The following DACH1 variants were observed in gnomAD, a reference collection of about 807,000 sequenced individuals.
DACH1 encodes the protein dachshund homolog 1.
DACH1 carries 12 observed loss-of-function variants against 54.2 expected under a neutral mutation model. That is an observed-to-expected ratio of 0.22 (90% CI 0.14 to 0.36). The LOEUF (loss-of-function observed/expected upper bound fraction) is 0.36, where lower values mean the gene tolerates loss of function less well. Ranked by LOEUF, DACH1 falls within the 10% of genes least tolerant of loss-of-function variation. DACH1 has a pLI of 1.00. For synonymous variants in DACH1, 386 were observed against 366.2 expected (o/e 1.05, Z -0.62); for missense variants, 805 against 929.8 (o/e 0.87, Z 1.75).
chr13:71,780,932 A>G (rs1035807962), intron 1 of DACH1, among the ~76,000 whole-genome samples: 15 of 152,140 alleles, frequency 9.9e-5, no homozygotes, highest in African/African-American at 3.4e-4. Context: ...GTAGGAATTC[A>G]AGACCAGCAT....
In DACH1 at chr13:71,827,279, G is replaced by A. The variant is rs149340737; in HGVS notation, c.848+38643C>T. Reference sequence around the variant, plus strand: ...CCAGGGATGCAGGCGGGGCTGAATCGCCAACCTACTGACTTACAACTCCGT... The same window carrying A: ...CCAGGGATGCAGGCGGGGCTGAATCACCAACCTACTGACTTACAACTCCGT... On this transcript the variant is annotated intron_variant, in intron 1 of 10. Coordinates refer to ENST00000613252, the MANE Select transcript of DACH1 (RefSeq NM_080759.6). Among the ~76,000 whole-genome samples the A allele has an allele frequency of 1.1e-3, 170 of 151,950 alleles. 1 individual carries two copies. The highest frequency in any genetic ancestry group is 3.9e-3 in the African/African-American group (160 of 41,446).
intron 10 of DACH1, among the ~76,000 whole-genome samples, chr13:71,457,764 C>A (rs2138131886): frequency 6.6e-6 from 1 of 152,034 alleles, no homozygotes; most frequent in Admixed American, 6.6e-5. Context: ...CAAAGAGATT[C>A]TATATTTTCA....
At chr13:71,805,664 C>T (rs956830829) in intron 1 of DACH1, among the ~76,000 whole-genome samples, 1 of 151,980 alleles carries the variant, frequency 6.6e-6, no homozygotes, top group South Asian at 2.1e-4. Flanking sequence ...CCTGGTTTAC[C>T]GTTAGAGTCT....
At chr13:71,846,291 GT>G (rs769045622) in intron 1 of DACH1, 5 of 226,756 alleles carry the variant, frequency 2.2e-5, no homozygotes, top group Non-Finnish European at 4.7e-5. Flanking sequence ...CAGAATCCAT[GT>G]GATGCTGTAC....
rs375981941 is a variant in DACH1 at position 71,540,983 on chromosome 13, TTTTTA to T, written c.1570+16036_1570+16040del. Among the ~76,000 whole-genome samples the T allele has an allele frequency of 5.3e-5, 8 of 152,066 alleles. No individual in the cohort carries two copies. In the East Asian group the frequency reaches 1.4e-3, roughly 26 times the overall value. ...GCCTATTATAAAGGAAATGCTATGT[TTTTTA>T]TTTTATGTATTGTTAAATTTAGATT... On this transcript the variant is annotated intron_variant, in intron 6 of 10. Coordinates refer to ENST00000613252, the MANE Select transcript of DACH1 (RefSeq NM_080759.6).
intron 6 of DACH1, among the ~76,000 whole-genome samples, chr13:71,550,506 G>A (rs1254201207): frequency 2.0e-5 from 3 of 152,090 alleles, no homozygotes; most frequent in Non-Finnish European, 2.9e-5. Context: ...TGGTCATCAA[G>A]GCGCATGGGT....
intron 2 of DACH1, among the ~76,000 whole-genome samples, chr13:71,645,502 G>A (rs564394971): frequency 2.0e-5 from 3 of 152,280 alleles, no homozygotes; most frequent in Non-Finnish European, 2.9e-5. Context: ...AAGCATGGGA[G>A]AGTAACAAAA....
chr13:71,758,454 C>A (rs545310095), intron 1 of DACH1, among the ~76,000 whole-genome samples: 33 of 152,220 alleles, frequency 2.2e-4, no homozygotes, highest in African/African-American at 6.0e-4. Flanking sequence ...TATAAAAGGT[C>A]TTCAATGTGA....
chr13:71,581,101 C>G (rs1232630986), intron 3 of DACH1, among the ~76,000 whole-genome samples: 1 of 149,888 alleles, frequency 6.7e-6, no homozygotes, highest in Non-Finnish European at 1.5e-5. Context: ...AACTTTCAAT[C>G]AGTTTTTGAG....
At chr13:71,864,796 C>T (rs549847434) in intron 1 of DACH1, among the ~76,000 whole-genome samples, 1 of 150,486 alleles carries the variant, frequency 6.6e-6, no homozygotes, top group African/African-American at 2.4e-5. Flanking sequence ...TAGCATAAAA[C>T]TGGTCTGGCT....
chr13:71,444,831 A>C (rs1006111973), intron 10 of DACH1, among the ~76,000 whole-genome samples: 3 of 151,952 alleles, frequency 2.0e-5, no homozygotes, highest in East Asian at 3.9e-4. Flanking sequence ...TCCCTCCCCT[A>C]GGTTTAGTGG....
At chr13:71,735,222 C>CGTGT in intron 1 of DACH1, among the ~76,000 whole-genome samples, 2 of 120,984 alleles carry the variant, frequency 1.7e-5, no homozygotes, top group African/African-American at 5.7e-5. Context: ...ATGGGATATA[C>CGTGT]ATATGTATAT....
At chr13:71,779,928 A>G (rs562903871) in intron 1 of DACH1, among the ~76,000 whole-genome samples, 20 of 152,254 alleles carry the variant, frequency 1.3e-4, no homozygotes, top group African/African-American at 4.8e-4. Context: ...AAAACTCTTT[A>G]TTAAATCTCT....
At chr13:71,463,559 T>C (rs554161011) in intron 10 of DACH1, among the ~76,000 whole-genome samples, 1 of 152,074 alleles carries the variant, frequency 6.6e-6, no homozygotes, top group East Asian at 1.9e-4. Flanking sequence ...GCAAGGCGTA[T>C]GGAGACAAAG....
At chr13:71,461,165 A>G (rs896822635) in intron 10 of DACH1, among the ~76,000 whole-genome samples, 2 of 152,082 alleles carry the variant, frequency 1.3e-5, no homozygotes, top group African/African-American at 4.8e-5. Context: ...TAATAAAAAT[A>G]TTGGGCATTT....
Position 71,745,220 on chromosome 13 carries a change from T to C in DACH1, c.849-63310A>G, listed in dbSNP as rs565404499. On this transcript the variant is annotated intron_variant, in intron 1 of 10. Transcript: ENST00000613252. ...TCTTAGTTATTAAAGAACTCATCTG[T>C]CCCCACTTTAGTTTTCCCCTTCTTT... Among the ~76,000 whole-genome samples, 4 of 152,284 alleles carry C rather than the reference T, an allele frequency of 2.6e-5. No individual in the cohort carries two copies. The East Asian group carries it at 7.7e-4, about 29-fold the overall frequency.
intron 1 of DACH1, among the ~76,000 whole-genome samples, chr13:71,835,349 C>T (rs573761788): frequency 6.6e-6 from 1 of 152,122 alleles, no homozygotes; most frequent in African/African-American, 2.4e-5. Flanking sequence ...ATGGAGAAGT[C>T]TGAATTAAAA....
intron 4 of DACH1, among the ~76,000 whole-genome samples, chr13:71,568,029 T>C (rs1396088589): frequency 6.6e-6 from 1 of 152,062 alleles, no homozygotes; most frequent in Non-Finnish European, 1.5e-5. Context: ...TGATTTATAT[T>C]GTTTATTTTA....
chr13:71,753,752 CT>C (rs1885022424), intron 1 of DACH1, among the ~76,000 whole-genome samples: 1 of 152,062 alleles, frequency 6.6e-6, no homozygotes, highest in Non-Finnish European at 1.5e-5. Flanking sequence ...ATGGTTTATT[CT>C]TTTTTGGATT....
Sources: gnomAD v4.1 joint callset for allele counts (sites outside exome capture counted in the v4.1 genomes callset) on GRCh38, gnomAD v4.1.1 for gene constraint, MANE v1.5 for transcripts, NCBI Gene and HGNC (gene_info 2026-07-23, HGNC 2026-07-21) for gene names.